The following GSDME variants were observed in gnomAD, a reference collection of about 807,000 sequenced individuals.
GSDME encodes gasdermin-E.
Under a neutral mutation model 47.5 loss-of-function variants are expected in GSDME, and 44 were observed. The observed-to-expected ratio is 0.93, with a 90% confidence interval of 0.73 to 1.19. The LOEUF (loss-of-function observed/expected upper bound fraction) is 1.19. GSDME is among the 50% of genes most tolerant of loss of function. The pLI, the probability that GSDME is intolerant of heterozygous loss-of-function variation, is 0.00. For missense variants in GSDME, 663 were observed against 604.2 expected, an observed-to-expected ratio of 1.10 and a Z score of -1.02; for synonymous variants, 258 against 252.8, an observed-to-expected ratio of 1.02 and a Z score of -0.20.
the GSDME span, among the ~76,000 whole-genome samples, chr7:24,768,732 C>G: frequency 6.6e-6 from 1 of 152,194 alleles, no homozygotes; most frequent in South Asian, 2.1e-4. This position sits in a 1 kb window ranked among gnomAD's most constrained non-coding sequence, Gnocchi z 5.6. Context: ...TTGGGAGCAC[C>G]ACCTTAAAGC....
the GSDME span, among the ~76,000 whole-genome samples, chr7:24,767,543 G>A: frequency 6.6e-6 from 1 of 151,320 alleles, no homozygotes; most frequent in African/African-American, 2.4e-5. The surrounding 1 kb of genome is among the most constrained non-coding windows in gnomAD (Gnocchi z 5.3). Context: ...CTAGAAGTCT[G>A]TTTTTCTAAA....
chr7:24,702,155 A>G (rs561965156), intron 9 of GSDME, among the ~76,000 whole-genome samples: 2 of 152,368 alleles, frequency 1.3e-5, no homozygotes, highest in East Asian at 3.9e-4. Flanking sequence ...GCTTCAGGGC[A>G]ACCTGTTGGT....
the GSDME span, among the ~76,000 whole-genome samples, chr7:24,774,813 G>A: frequency 8.9e-4 from 135 of 152,296 alleles, no homozygotes; most frequent in Admixed American, 2.0e-3. Context: ...TTACAGGTGT[G>A]AGCCACTGCA....
chr7:24,727,668 C>T (rs1790013261), intron 3 of GSDME, among the ~76,000 whole-genome samples: 1 of 152,226 alleles, frequency 6.6e-6, no homozygotes, highest in African/African-American at 2.4e-5. Context: ...GCCTTTGTGA[C>T]ATTTCATTAA....
the GSDME span, among the ~76,000 whole-genome samples, chr7:24,773,898 C>T: frequency 1.3e-5 from 2 of 152,234 alleles, no homozygotes; most frequent in East Asian, 3.8e-4. The surrounding 1 kb of genome is among the most constrained non-coding windows in gnomAD (Gnocchi z 5.4). Flanking sequence ...TAACCACATC[C>T]TTGCTTTTTC....
chr7:24,708,156 C>T lies in GSDME; in HGVS notation c.961G>A (p.Asp321Asn). ...GGTTCCAGGACCATGAGTAGTTCAT[C>T]ATCAAATAGGACCGCCTGGAAGATG... ...SDIFQAVLFD[D>N]ELLMVLEPVC... Residue 321 changes from aspartate (D) to asparagine (N), a missense_variant, in exon 7 of 10, where the codon GAT becomes AAT. Asp to Asn is a conservative substitution (Grantham distance 23, BLOSUM62 1). Coordinates refer to ENST00000645220, the MANE Select transcript of GSDME (RefSeq NM_001127453.2). The T allele has an allele frequency of 1.2e-6, 2 of 1,614,164 alleles. No homozygotes were observed. The highest frequency in any genetic ancestry group is 1.6e-4 in the Middle Eastern group (1 of 6,062).
At chr7:24,791,780 A>G in the GSDME span, among the ~76,000 whole-genome samples, 1 of 152,190 alleles carries the variant, frequency 6.6e-6, no homozygotes, top group South Asian at 2.1e-4. The surrounding 1 kb of genome is among the most constrained non-coding windows in gnomAD (Gnocchi z 4.8). Flanking sequence ...CCTCTCGGGG[A>G]TGAACAAGGG....
chr7:24,748,924 C>T (rs1386504277), intron 2 of GSDME, among the ~76,000 whole-genome samples: 3 of 152,196 alleles, frequency 2.0e-5, no homozygotes, highest in African/African-American at 7.2e-5. Flanking sequence ...CAAAAATTTT[C>T]ACACCTTCTT....
intron 7 of GSDME, 39 bp downstream of exon 7, chr7:24,708,088 C>A (rs751037918): frequency 3.1e-6 from 5 of 1,611,888 alleles, no homozygotes; most frequent in Non-Finnish European, 4.2e-6. Flanking sequence ...TCCAGAAAAC[C>A]CCAGTGAAAA....
At position 24,702,240 on chromosome 7, in the gene GSDME, A is replaced by G. The variant is rs186520433; in HGVS notation, c.1257+520T>C. Reference sequence around the variant, plus strand: ...ATCTTGACTCTCTAGGGCTAAGCTCATCATTACCTAACTCATGCTCTTAGA... The same window carrying G: ...ATCTTGACTCTCTAGGGCTAAGCTCGTCATTACCTAACTCATGCTCTTAGA... On this transcript the variant is annotated intron_variant, in intron 9 of 9. Transcript: ENST00000645220. Among the ~76,000 whole-genome samples the G allele has an allele frequency of 6.2e-4, 95 of 152,330 alleles. 1 individual carries two copies. In the East Asian group the frequency reaches 0.018, roughly 29 times the overall value.
chr7:24,741,319 C>CA (rs1790484040), intron 3 of GSDME, among the ~76,000 whole-genome samples: 2 of 151,288 alleles, frequency 1.3e-5, no homozygotes, highest in Non-Finnish European at 2.9e-5. Flanking sequence ...TTATTAAACA[C>CA]AAAAATGAAA....
intron 5 of GSDME, among the ~76,000 whole-genome samples, chr7:24,715,953 G>A (rs1789536656): frequency 6.6e-6 from 1 of 152,152 alleles, no homozygotes; most frequent in Admixed American, 6.5e-5. Context: ...TTTCTCCTAG[G>A]GATCCTCAAC....
rs1790517194 is a variant in GSDME at position 24,742,263 on chromosome 7, AG to A, written c.404+2298del. ...TTTTACATGATTTAGAGGAAAGAAC[AG>A]GAGCTTTGGAGCCAGAAAATCCTGA... On this transcript the variant is annotated intron_variant, in intron 3 of 9. Transcript: ENST00000645220. This position sits in a 1 kb window ranked among gnomAD's most constrained non-coding sequence, Gnocchi z 4.4. Among the ~76,000 whole-genome samples, 1 of 152,258 alleles carries A rather than the reference AG, an allele frequency of 6.6e-6. No homozygotes were observed. The highest frequency in any genetic ancestry group is 1.5e-5 in the Non-Finnish European group (1 of 68,048).
At position 24,756,883 on chromosome 7, in the gene GSDME, A is replaced by C. The variant is rs1476521; in HGVS notation, c.-20+513T>G. Among the ~76,000 whole-genome samples, 3 of 151,898 alleles carry C rather than the reference A, an allele frequency of 2.0e-5. No individual in the cohort carries two copies. Among genetic ancestry groups the C allele is most frequent in the African/African-American group, 7.3e-5 (3 of 41,364 alleles). ...AGGAGCTCTCTAGATACCGGAGCAA[A>C]GTGGAGGGGGACTTTTTTCCGTCCA... On this transcript the variant is annotated intron_variant, in intron 1 of 9. Coordinates refer to ENST00000645220, the MANE Select transcript of GSDME (RefSeq NM_001127453.2). The surrounding 1 kb of genome is among the most constrained non-coding windows in gnomAD (Gnocchi z 4.2).
At position 24,716,371 on chromosome 7, in the gene GSDME, C is replaced by T. The variant is rs927862232; in HGVS notation, c.697+883G>A. ...ACCACAGACATATTACCATTTCATC[C>T]GTGAATGTTTCAGTGTACATCTCTC... is the stretch of plus-strand genomic sequence containing the variant. On this transcript the variant is annotated intron_variant, in intron 5 of 9. Coordinates refer to ENST00000645220, the MANE Select transcript of GSDME (RefSeq NM_001127453.2). The surrounding 1 kb of genome is among the most constrained non-coding windows in gnomAD (Gnocchi z 4.5). 6.6e-6 allele frequency: 1 copy of T among 152,150 alleles called. No individual in the cohort carries two copies. Among genetic ancestry groups the T allele is most frequent in the African/African-American group, 2.4e-5 (1 of 41,418 alleles). 9.4% of individuals were successfully genotyped at this position (152,150 alleles called of 1,614,324 possible).
the GSDME span, among the ~76,000 whole-genome samples, chr7:24,789,734 G>A: frequency 1.3e-5 from 2 of 152,174 alleles, no homozygotes; most frequent in African/African-American, 2.4e-5. Context: ...ATGAGGAGTG[G>A]TCGCCTCCCT....
chr7:24,793,866 TA>T, the GSDME span, among the ~76,000 whole-genome samples: 1 of 152,112 alleles, frequency 6.6e-6, no homozygotes, highest in Non-Finnish European at 1.5e-5. Context: ...GTTATTTTTC[TA>T]CTTTTTTTCT....
In GSDME at chr7:24,717,293, C is replaced by A. The variant is rs140666247; in HGVS notation, c.658G>T (p.Gly220Cys). 1.2e-6 allele frequency: 2 copies of A among 1,614,092 alleles called. No homozygotes were observed. The highest frequency in any genetic ancestry group is 1.7e-6 in the Non-Finnish European group (2 of 1,180,024). ...EIPAATTIAYGVIELYVKLDG... is the reference protein window; with the variant it reads ...EIPAATTIAYCVIELYVKLDG... ...AGTTTCACGTATAACTCAATGACAC[C>A]GTAGGCAATGGTGGTGGCAGCTGGG... The change falls in exon 5 of 10, where the codon GGT becomes TGT. Residue 220 changes from glycine (G) to cysteine (C), a missense_variant. Transcript: ENST00000645220.
At chr7:24,768,366 T>A in the GSDME span, among the ~76,000 whole-genome samples, 1 of 152,008 alleles carries the variant, frequency 6.6e-6, no homozygotes, top group Non-Finnish European at 1.5e-5. This position sits in a 1 kb window ranked among gnomAD's most constrained non-coding sequence, Gnocchi z 5.6. Flanking sequence ...AAATGCCATG[T>A]AAGGTGTAGC....
Sources: gnomAD v4.1 joint callset for allele counts (sites outside exome capture counted in the v4.1 genomes callset) on GRCh38, gnomAD v4.1.1 for gene constraint, Gnocchi (gnomAD v3.1) non-coding constraint, MANE v1.5 for transcripts, NCBI Gene and HGNC (gene_info 2026-07-23, HGNC 2026-07-21) for gene names.